LRFN5: variants seen among roughly 807,000 people sequenced by gnomAD.
LRFN5 encodes leucine rich repeat and fibronectin type III domain containing 5.
LRFN5 carries 24 observed loss-of-function variants against 45.6 expected under a neutral mutation model. The ratio of observed to expected loss-of-function variants is 0.53; its 90% CI spans 0.38 to 0.74. The LOEUF (loss-of-function observed/expected upper bound fraction) is 0.74. Among genes scored for constraint, LRFN5 ranks in the 30% least tolerant of loss-of-function variants. The probability of loss-of-function intolerance (pLI) is 0.00; values close to 1 mark genes in which losing one functional copy is unlikely to be tolerated. For missense variants in LRFN5, 776 were observed against 861.5 expected, an observed-to-expected ratio of 0.90 and a Z score of 1.24; for synonymous variants, 340 against 313.8, an observed-to-expected ratio of 1.08 and a Z score of -0.88.
At position 41,734,343 on chromosome 14, in the gene LRFN5, TA is replaced by T. The variant is rs1313107002; in HGVS notation, c.-196-32510del. 1.1e-4 allele frequency among the ~76,000 whole-genome samples: 12 copies of T among 112,392 alleles called. No individual in the cohort carries two copies. The South Asian group carries it at 2.5e-3, about 23-fold the overall frequency. 73.7% of individuals were successfully genotyped at this position (112,392 alleles called of 152,430 possible). A position where few individuals can be genotyped will look rare whatever the true frequency, so the allele number is the denominator to read the frequency against. On this transcript the variant is annotated intron_variant, in intron 1 of 5. Coordinates refer to ENST00000298119, the MANE Select transcript of LRFN5 (RefSeq NM_152447.5). The stretch of plus-strand genomic sequence containing the variant: ...ATATATATATATATATATATATATA[TA>T]TTTAAATTTGCTGTAACTTATTGAT...
At chr14:41,856,319 C>T (rs1889450324) in intron 2 of LRFN5, among the ~76,000 whole-genome samples, 1 of 152,158 alleles carries the variant, frequency 6.6e-6, no homozygotes, top group Admixed American at 6.5e-5. Flanking sequence ...AGCAGATAGT[C>T]CTTGAATATA....
At chr14:41,798,050 AT>A (rs1887195299) in intron 2 of LRFN5, among the ~76,000 whole-genome samples, 1 of 151,880 alleles carries the variant, frequency 6.6e-6, no homozygotes, top group African/African-American at 2.4e-5. Flanking sequence ...AACTATCTCT[AT>A]CCCCGCTTTA....
At chr14:41,764,382 T>C (rs1464711251) in intron 1 of LRFN5, among the ~76,000 whole-genome samples, 1 of 152,176 alleles carries the variant, frequency 6.6e-6, no homozygotes, top group Non-Finnish European at 1.5e-5. Context: ...ACACATGTTT[T>C]ATGGTAGCTG....
chr14:41,751,167 C>G (rs1885116088), intron 1 of LRFN5, among the ~76,000 whole-genome samples: 1 of 152,088 alleles, frequency 6.6e-6, no homozygotes, highest in African/African-American at 2.4e-5. Context: ...CACTAGGGCC[C>G]TCCCTCAACA....
Position 41,670,046 on chromosome 14 carries a change from TATA to T in LRFN5, c.-197+61489_-197+61491del, listed in dbSNP as rs549698560. The stretch of plus-strand genomic sequence containing the variant: ...TAAAATATAACATAATACAAAAATG[TATA>T]ATAAAATGTTTTACTATATGCACCT... On this transcript the variant is annotated intron_variant, in intron 1 of 5. Coordinates refer to ENST00000298119, the MANE Select transcript of LRFN5 (RefSeq NM_152447.5). Among the ~76,000 whole-genome samples the T allele has an allele frequency of 3.6e-3, 530 of 148,626 alleles. 6 individuals are homozygous for T. The highest frequency in any genetic ancestry group is 5.2e-3 in the Non-Finnish European group (352 of 67,178).
chr14:41,693,822 A>G (rs1882483055), intron 1 of LRFN5, among the ~76,000 whole-genome samples: 1 of 152,044 alleles, frequency 6.6e-6, no homozygotes, highest in Admixed American at 6.6e-5. Context: ...AACAGAAAGA[A>G]TAAATGCTCG....
At chr14:41,774,066 C>A (rs909076506) in intron 2 of LRFN5, among the ~76,000 whole-genome samples, 1 of 152,136 alleles carries the variant, frequency 6.6e-6, no homozygotes, top group Non-Finnish European at 1.5e-5. Context: ...TGAATAAATG[C>A]TCTTCTTTAT....
At chr14:41,669,391 A>T (rs1471016891) in intron 1 of LRFN5, among the ~76,000 whole-genome samples, 1 of 152,074 alleles carries the variant, frequency 6.6e-6, no homozygotes, top group African/African-American at 2.4e-5. Flanking sequence ...CAAAAACAAA[A>T]CAAAGTTTAA....
intron 1 of LRFN5, among the ~76,000 whole-genome samples, chr14:41,633,484 G>A (rs945033963): frequency 1.3e-5 from 2 of 152,036 alleles, no homozygotes; most frequent in Admixed American, 1.3e-4. Flanking sequence ...TGAATAATCA[G>A]TTCAGGATTA....
In LRFN5 at chr14:41,862,996, G is replaced by C. The variant is rs1003152778; in HGVS notation, c.-20-23610G>C. Among the ~76,000 whole-genome samples, 8 of 151,458 alleles carry C rather than the reference G, an allele frequency of 5.3e-5. No homozygotes were observed. In the East Asian group the frequency reaches 1.6e-3, roughly 30 times the overall value. On this transcript the variant is annotated intron_variant, in intron 2 of 5. Coordinates refer to ENST00000298119, the MANE Select transcript of LRFN5 (RefSeq NM_152447.5). Reference sequence around the variant, plus strand: ...TCTCCTGCCTCAGCCTCCCGAGTAGGTGGGACTACAGGCGCCCGCCATGAT... The same window carrying C: ...TCTCCTGCCTCAGCCTCCCGAGTAGCTGGGACTACAGGCGCCCGCCATGAT...
At chr14:41,856,675 A>ATTATTTTGTTTTTTTTTTTT in intron 2 of LRFN5, among the ~76,000 whole-genome samples, 1 of 18,328 alleles carries the variant, frequency 5.5e-5, no homozygotes, top group Non-Finnish European at 1.3e-4. Context: ...TATTATTATT[A>ATTATTTTGTTTTTTTTTTTT]TTTTTTTTTT....
chr14:41,856,675 A>ATTTTTTTTTTTTTTTTTTTTTTTT (rs1555326982), intron 2 of LRFN5, among the ~76,000 whole-genome samples: 2 of 18,326 alleles, frequency 1.1e-4, no homozygotes, highest in Admixed American at 1.2e-3. Flanking sequence ...TATTATTATT[A>ATTTTTTTTTTTTTTTTTTTTTTTT]TTTTTTTTTT....
intron 1 of LRFN5, among the ~76,000 whole-genome samples, chr14:41,668,193 C>G (rs1880997031): frequency 6.6e-6 from 1 of 152,130 alleles, no homozygotes; most frequent in African/African-American, 2.4e-5. Context: ...CAGTTTGCAT[C>G]AGTACATCAC....
chr14:41,759,327 A>G (rs1885547331), intron 1 of LRFN5, among the ~76,000 whole-genome samples: 2 of 151,990 alleles, frequency 1.3e-5, no homozygotes, highest in South Asian at 4.1e-4. Flanking sequence ...CTATCTATGA[A>G]TCTAATTTTC....
At chr14:41,614,305 C>G (rs539169287) in intron 1 of LRFN5, among the ~76,000 whole-genome samples, 2 of 152,046 alleles carry the variant, frequency 1.3e-5, no homozygotes, top group South Asian at 4.2e-4. Context: ...TTAATATTTA[C>G]AAATATTTTA....
intron 2 of LRFN5, among the ~76,000 whole-genome samples, chr14:41,863,958 T>A (rs980762028): frequency 5.9e-5 from 9 of 152,158 alleles, no homozygotes; most frequent in Non-Finnish European, 1.3e-4. Context: ...CCTGTGTTAG[T>A]TTGCTGAGAA....
At chr14:41,637,055 A>G (rs1879339328) in intron 1 of LRFN5, among the ~76,000 whole-genome samples, 2 of 152,180 alleles carry the variant, frequency 1.3e-5, no homozygotes, top group Admixed American at 1.3e-4. Flanking sequence ...TCCACAAGAG[A>G]GACATGAACA....
chr14:41,802,563 A>C (rs551585835), intron 2 of LRFN5, among the ~76,000 whole-genome samples: 20 of 152,156 alleles, frequency 1.3e-4, no homozygotes, highest in Non-Finnish European at 2.6e-4. Context: ...GAGTTGGAAA[A>C]ATGTTTTGTC....
intron 1 of LRFN5, among the ~76,000 whole-genome samples, chr14:41,728,097 A>G (rs1346850288): frequency 6.6e-6 from 1 of 151,752 alleles, no homozygotes; most frequent in African/African-American, 2.4e-5. Flanking sequence ...TGGCAATATC[A>G]CTCCTGTTGG....
Sources: allele counts gnomAD v4.1 joint callset (sites outside exome capture counted in the v4.1 genomes callset), GRCh38; gene constraint gnomAD v4.1.1; transcripts MANE v1.5; gene names NCBI Gene and HGNC (gene_info 2026-07-23, HGNC 2026-07-21).